Variants in PCDHGA7 observed in about 807,000 individuals in gnomAD.
PCDHGA7 encodes the protein protocadherin gamma-A7.
Under a neutral mutation model 58.3 loss-of-function variants are expected in PCDHGA7, and 44 were observed. That is an observed-to-expected ratio of 0.75 (90% CI 0.59 to 0.97). PCDHGA7 has a LOEUF of 0.97. Ranked by LOEUF, PCDHGA7 falls within the 50% of genes least tolerant of loss-of-function variation. The pLI is 0.00. For missense variants in PCDHGA7, 1,266 were observed against 1,188.7 expected, an observed-to-expected ratio of 1.06 and a Z score of -0.96; for synonymous variants, 516 against 504.2, an observed-to-expected ratio of 1.02 and a Z score of -0.31.
chr5:141,413,785 C>T (rs771027783), intron 1 of PCDHGA7: 1 of 1,613,186 alleles, frequency 6.2e-7, no homozygotes, highest in Non-Finnish European at 8.5e-7. Flanking sequence ...GGAGCACTCC[C>T]TAGATCGCGA....
intron 1 of PCDHGA7, chr5:141,398,694 T>A: frequency 6.2e-7 from 1 of 1,613,868 alleles, no homozygotes; most frequent in Non-Finnish European, 8.5e-7. Context: ...AGGATGGTAG[T>A]AAATACCCGG....
In PCDHGA7 at chr5:141,430,937, G is replaced by C. The variant is rs888990395; in HGVS notation, c.2424+45614G>C. ...CCTGGGGCTGGAGCCCCGGGAGCTC[G>C]CGGAGCGCGGAGTCCGCATCATCCC... On this transcript the variant is annotated intron_variant, in intron 1 of 3. Coordinates refer to ENST00000518325, the MANE Select transcript of PCDHGA7 (RefSeq NM_018920.4). The C allele has an allele frequency of 8.7e-6, 14 of 1,607,498 alleles. No individual in the cohort carries two copies. The highest frequency in any genetic ancestry group is 1.7e-5 in the Admixed American group (1 of 58,732).
chr5:141,430,756 A>G (rs747363475), intron 1 of PCDHGA7: 1 of 1,503,228 alleles, frequency 6.7e-7, no homozygotes, highest in Non-Finnish European at 8.9e-7. Flanking sequence ...GGAGGAAGAT[A>G]AGAATGATTC....
chr5:141,472,263 C>T (rs978647191), intron 1 of PCDHGA7, among the ~76,000 whole-genome samples: 7 of 152,144 alleles, frequency 4.6e-5, no homozygotes, highest in South Asian at 2.1e-4. Flanking sequence ...ATATTATAGC[C>T]GGGCACAGTG....
intron 1 of PCDHGA7, chr5:141,389,721 G>A (rs1477842058): frequency 2.5e-6 from 4 of 1,612,502 alleles, no homozygotes; most frequent in Non-Finnish European, 1.7e-6. Context: ...TAGCGAGCCC[G>A]GGCTCTTCAG....
In PCDHGA7 at chr5:141,511,067, C is replaced by T. The variant is rs760786015; in HGVS notation, c.2693C>T (p.Pro898Leu). The change falls in exon 4 of 4, where the codon CCA (proline) becomes CTA (leucine). Residue 898 changes from proline (P) to leucine (L), a missense_variant. Pro to Leu is a moderately conservative substitution (Grantham distance 98). Coordinates refer to ENST00000518325, the MANE Select transcript of PCDHGA7 (RefSeq NM_018920.4). ...VPDYRQNVYI[P>L]GSNATLTNAA... ...GACTACCGCCAGAATGTCTACATCC[C>T]AGGCAGCAATGCCACACTGACCAAC... 7.4e-6 allele frequency: 12 copies of T among 1,614,136 alleles called. No homozygotes were observed. Among genetic ancestry groups the T allele is most frequent in the African/African-American group, 1.3e-5 (1 of 74,942 alleles).
intron 1 of PCDHGA7, chr5:141,410,263 A>G (rs532833925): frequency 1.4e-5 from 22 of 1,613,876 alleles, no homozygotes; most frequent in African/African-American, 2.7e-5. Flanking sequence ...CCCAGGCTGA[A>G]CTGCAGTTTT....
chr5:141,412,183 C>A (rs1243084028), intron 1 of PCDHGA7: 1 of 152,188 alleles, frequency 6.6e-6, no homozygotes, highest in African/African-American at 2.4e-5. Context: ...GGTATTAATG[C>A]TCTGATGAAA....
At chr5:141,409,546 C>G in intron 1 of PCDHGA7, 1 of 1,613,998 alleles carries the variant, frequency 6.2e-7, no homozygotes, top group Non-Finnish European at 8.5e-7. Flanking sequence ...TCAACGACAA[C>G]GCCCCAGTTT....
chr5:141,409,462 C>G (rs377705841), intron 1 of PCDHGA7: 1 of 1,613,988 alleles, frequency 6.2e-7, no homozygotes, highest in African/African-American at 1.3e-5. Flanking sequence ...AATACAATGT[C>G]ACCATCGTAG....
chr5:141,418,906 C>T, intron 1 of PCDHGA7: 1 of 1,613,908 alleles, frequency 6.2e-7, no homozygotes, highest in Non-Finnish European at 8.5e-7. Flanking sequence ...AAATAATCAT[C>T]ACGTCACTCT....
rs1210429084 is a variant in PCDHGA7 at position 141,487,045 on chromosome 5, T to C, written c.2425-7762T>C. 2 of 1,614,088 alleles carry C rather than the reference T, an allele frequency of 1.2e-6. No individual in the cohort carries two copies. Among genetic ancestry groups the C allele is most frequent in the Non-Finnish European group, 1.7e-6 (2 of 1,180,036 alleles). On this transcript the variant is annotated intron_variant, in intron 1 of 3. Coordinates refer to ENST00000518325, the MANE Select transcript of PCDHGA7 (RefSeq NM_018920.4). This position sits in a 1 kb window ranked among gnomAD's most constrained non-coding sequence, Gnocchi z 5.0. ...CCAGCCTGTTTGCAGTCTCTCGATA[T>C]GCTGGGGAGGTGCGGACGGCTGTTC...
At chr5:141,453,811 A>G (rs541081089) in intron 1 of PCDHGA7, among the ~76,000 whole-genome samples, 1 of 152,350 alleles carries the variant, frequency 6.6e-6, no homozygotes, top group Admixed American at 6.5e-5. Context: ...AGTTCCATAA[A>G]GGACAAACTT....
chr5:141,452,888 C>T (rs62379168), intron 1 of PCDHGA7, among the ~76,000 whole-genome samples: 13,856 of 152,130 alleles, frequency 0.091, 849 homozygotes, highest in African/African-American at 0.17. Flanking sequence ...TAATTTATTC[C>T]ACTTTTATTA....
At chr5:141,421,218 A>G (rs969154252) in intron 1 of PCDHGA7, 1 of 1,570,664 alleles carries the variant, frequency 6.4e-7, no homozygotes, top group Admixed American at 1.9e-5. Flanking sequence ...ATATCGGCTT[A>G]GAGCCTGCCA....
At chr5:141,403,972 A>G in intron 1 of PCDHGA7, 1 of 1,613,968 alleles carries the variant, frequency 6.2e-7, no homozygotes, top group East Asian at 2.2e-5. Flanking sequence ...TGGAAGATGT[A>G]AATGACAATA....
Position 141,432,211 on chromosome 5 carries a change from C to T in PCDHGA7, c.2424+46888C>T. 6.2e-7 allele frequency: 1 copy of T among 1,614,232 alleles called. No homozygotes were observed. The highest frequency in any genetic ancestry group is 8.5e-7 in the Non-Finnish European group (1 of 1,180,044). On this transcript the variant is annotated intron_variant, in intron 1 of 3. Coordinates refer to ENST00000518325, the MANE Select transcript of PCDHGA7 (RefSeq NM_018920.4). The surrounding 1 kb of genome is among the most constrained non-coding windows in gnomAD (Gnocchi z 6.0). ...CCCACGACCCCGACTGTGAAGAGAA[C>T]GCCCAGATCACTTATTCCCTGGCTG... is the stretch of plus-strand genomic sequence containing the variant.
Position 141,512,160 on chromosome 5 carries a change from G to A in PCDHGA7, c.*987G>A, listed in dbSNP as rs1227447365. On this transcript the variant is annotated 3_prime_UTR_variant, in exon 4 of 4. Coordinates refer to ENST00000518325, the MANE Select transcript of PCDHGA7 (RefSeq NM_018920.4). ...CAGCCAGCTTTGGGCTGAGCTAACA[G>A]GACCAATGGATTAAACTGGCATTTC... 1 of 152,730 alleles carries A rather than the reference G, an allele frequency of 6.5e-6. No individual in the cohort carries two copies. Among genetic ancestry groups the A allele is most frequent in the African/African-American group, 2.4e-5 (1 of 41,456 alleles). The allele number at this position is 152,730 out of a possible 1,614,324, so 9.5% of individuals were successfully genotyped here.
rs1562106021 is a variant in PCDHGA7 at position 141,485,561 on chromosome 5, G to T, written c.2425-9246G>T. 6.2e-7 allele frequency: 1 copy of T among 1,613,008 alleles called. No individual in the cohort carries two copies. Among genetic ancestry groups the T allele is most frequent in the Non-Finnish European group, 8.5e-7 (1 of 1,179,122 alleles). ...AGAGATCGTAGATGTGAATGATCAC[G>T]CCCCCCGTTTTCCGCGGCAGCAGCT... On this transcript the variant is annotated intron_variant, in intron 1 of 3. Coordinates refer to ENST00000518325, the MANE Select transcript of PCDHGA7 (RefSeq NM_018920.4). The surrounding 1 kb of genome is among the most constrained non-coding windows in gnomAD (Gnocchi z 5.7).
Sources: gnomAD v4.1 joint callset for allele counts (sites outside exome capture counted in the v4.1 genomes callset) on GRCh38, gnomAD v4.1.1 for gene constraint, Gnocchi (gnomAD v3.1) non-coding constraint, MANE v1.5 for transcripts, NCBI Gene and HGNC (gene_info 2026-07-23, HGNC 2026-07-21) for gene names.